DRC10: variants seen among roughly 807,000 people sequenced by gnomAD.
DRC10 encodes the protein dynein regulatory complex subunit 10.
At chr12:113,199,180 G>T in the DRC10 span, among the ~76,000 whole-genome samples, 1 of 152,004 alleles carries the variant, frequency 6.6e-6, no homozygotes, top group East Asian at 1.9e-4. Context: ...CAGGAGATCC[G>T]TCTGCCTCAG....
the DRC10 span, among the ~76,000 whole-genome samples, chr12:113,214,917 C>A: frequency 1.3e-5 from 2 of 151,648 alleles, no homozygotes; most frequent in African/African-American, 4.8e-5. Context: ...TACAACTGGT[C>A]TGTAAAAGAT....
At chr12:113,198,999 G>A in the DRC10 span, among the ~76,000 whole-genome samples, 1 of 152,054 alleles carries the variant, frequency 6.6e-6, no homozygotes, top group Non-Finnish European at 1.5e-5. Flanking sequence ...GTGCAGTGGT[G>A]TGATCTCGGT....
chr12:113,205,685 C>T, the DRC10 span, among the ~76,000 whole-genome samples: 2 of 149,748 alleles, frequency 1.3e-5, no homozygotes, highest in East Asian at 2.0e-4. Context: ...GTCAGGAGAT[C>T]GAGACCATCC....
At chr12:113,199,100 G>A in the DRC10 span, among the ~76,000 whole-genome samples, 2 of 152,022 alleles carry the variant, frequency 1.3e-5, no homozygotes, top group Non-Finnish European at 2.9e-5. Flanking sequence ...ACCACGCCCG[G>A]CTAATTTTGT....
the DRC10 span, chr12:113,196,011 G>T: frequency 7.2e-7 from 1 of 1,391,442 alleles, no homozygotes; most frequent in East Asian, 2.5e-5. Flanking sequence ...AAGCTAAGCT[G>T]TTCAGCATCT....
At chr12:113,203,926 AC>A in the DRC10 span, among the ~76,000 whole-genome samples, 1 of 150,702 alleles carries the variant, frequency 6.6e-6, no homozygotes, top group Non-Finnish European at 1.5e-5. Context: ...CCAGCCAGAC[AC>A]CCCATCTCTA....
At chr12:113,203,799 T>G in the DRC10 span, among the ~76,000 whole-genome samples, 1 of 148,340 alleles carries the variant, frequency 6.7e-6, no homozygotes, top group Non-Finnish European at 1.5e-5. Flanking sequence ...TTTTTTTTTT[T>G]TTTGTAGAGA....
At chr12:113,216,967 T>G in the DRC10 span, among the ~76,000 whole-genome samples, 1 of 152,136 alleles carries the variant, frequency 6.6e-6, no homozygotes, top group Non-Finnish European at 1.5e-5. Context: ...TGGGCACCTG[T>G]AATTCCAGCT....
chr12:113,206,390 G>T, the DRC10 span, among the ~76,000 whole-genome samples: 1 of 152,004 alleles, frequency 6.6e-6, no homozygotes, highest in Non-Finnish European at 1.5e-5. Flanking sequence ...GGAGTTACTT[G>T]CTCTCTTCCT....
At chr12:113,205,551 T>G in the DRC10 span, among the ~76,000 whole-genome samples, 1 of 151,834 alleles carries the variant, frequency 6.6e-6, no homozygotes, top group Non-Finnish European at 1.5e-5. Context: ...GAACCAAAAT[T>G]TACTCGAAGA....
At chr12:113,207,347 TAA>T in the DRC10 span, 3 of 1,031,284 alleles carry the variant, frequency 2.9e-6, no homozygotes, top group Non-Finnish European at 4.5e-6. Flanking sequence ...GACTCCATCT[TAA>T]AAAAAAAATC....
chr12:113,198,879 C>T, the DRC10 span, among the ~76,000 whole-genome samples: 1 of 152,202 alleles, frequency 6.6e-6, no homozygotes, highest in East Asian at 1.9e-4. Context: ...TTGCTTGAGG[C>T]CACAAGTTCT....
the DRC10 span, among the ~76,000 whole-genome samples, chr12:113,196,835 A>T: frequency 1.3e-5 from 2 of 152,234 alleles, no homozygotes; most frequent in Non-Finnish European, 2.9e-5. Flanking sequence ...ACTTCCCTCC[A>T]GGCCAGACCC....
At chr12:113,197,698 C>T in the DRC10 span, 1 of 858,534 alleles carries the variant, frequency 1.2e-6, no homozygotes, top group Non-Finnish European at 1.9e-6. Flanking sequence ...TAGGCTCTGG[C>T]AGGTGCTTGA....
At chr12:113,195,880 C>T in the DRC10 span, 2 of 1,606,144 alleles carry the variant, frequency 1.2e-6, no homozygotes, top group South Asian at 2.2e-5. Context: ...TCCAGATCCT[C>T]CAACTCCTCC....
the DRC10 span, among the ~76,000 whole-genome samples, chr12:113,213,084 T>C: frequency 6.7e-6 from 1 of 149,274 alleles, no homozygotes; most frequent in Non-Finnish European, 1.5e-5. Context: ...AACTAAATTA[T>C]ATATTTTTTC....
chr12:113,208,378 C>T, the DRC10 span: 2 of 1,372,756 alleles, frequency 1.5e-6, no homozygotes, highest in Non-Finnish European at 1.9e-6. Context: ...GTCGCTTTTA[C>T]ACAGAACCTT....
chr12:113,207,107 G>A, the DRC10 span: 1 of 380,958 alleles, frequency 2.6e-6, no homozygotes, highest in Non-Finnish European at 5.0e-6. Context: ...CAGCACTTTG[G>A]GAGGCCAAAG....
the DRC10 span, among the ~76,000 whole-genome samples, chr12:113,210,612 GAA>G: frequency 3.6e-4 from 39 of 107,310 alleles, no homozygotes; most frequent in African/African-American, 5.1e-4. Flanking sequence ...AAGAAAAAAA[GAA>G]AAAAAAAAAA....
Sources: gnomAD v4.1 joint callset for allele counts (sites outside exome capture counted in the v4.1 genomes callset) on GRCh38, gnomAD v4.1.1 for gene constraint, MANE v1.5 for transcripts, NCBI Gene and HGNC (gene_info 2026-07-23, HGNC 2026-07-21) for gene names.